Variants in SWAP70 observed in about 807,000 individuals in gnomAD.
SWAP70 encodes switching B cell complex subunit SWAP70.
Under a neutral mutation model 80.2 loss-of-function variants are expected in SWAP70, and 34 were observed. That is an observed-to-expected ratio of 0.42 (90% CI 0.32 to 0.56). The LOEUF is 0.56. Ranked by LOEUF, SWAP70 falls within the 20% of genes least tolerant of loss-of-function variation. The pLI is 0.09. For synonymous variants in SWAP70, 239 were observed against 238.5 expected, an observed-to-expected ratio of 1.00 and a Z score of -0.02; for missense variants, 578 against 690.7, an observed-to-expected ratio of 0.84 and a Z score of 1.83.
At chr11:9,684,936 C>T (rs981913217) in intron 1 of SWAP70, among the ~76,000 whole-genome samples, 5 of 152,138 alleles carry the variant, frequency 3.3e-5, no homozygotes, top group Admixed American at 2.6e-4. Context: ...GGCTAAAATA[C>T]AGACTCTCTC....
chr11:9,742,892 T>TA (rs200300222), intron 9 of SWAP70, among the ~76,000 whole-genome samples: 1 of 151,114 alleles, frequency 6.6e-6, no homozygotes, highest in African/African-American at 2.4e-5. Flanking sequence ...TCCTTTTTTT[T>TA]TTTTTTTAAT....
intron 2 of SWAP70, among the ~76,000 whole-genome samples, chr11:9,709,910 C>G (rs1006283193): frequency 6.6e-6 from 1 of 152,094 alleles, no homozygotes; most frequent in African/African-American, 2.4e-5. Context: ...GTATTATGTG[C>G]AGTTATTCTT....
intron 5 of SWAP70, among the ~76,000 whole-genome samples, chr11:9,728,421 C>T (rs1161264505): frequency 1.3e-5 from 2 of 151,850 alleles, no homozygotes; most frequent in African/African-American, 2.4e-5. Flanking sequence ...ACCTTCTACT[C>T]GTGAATAAAG....
intron 1 of SWAP70, among the ~76,000 whole-genome samples, chr11:9,675,578 A>T (rs1451147793): frequency 2.0e-5 from 3 of 151,776 alleles, no homozygotes; most frequent in African/African-American, 7.3e-5. Context: ...TATATATTAT[A>T]TATATTTATA....
intron 2 of SWAP70, among the ~76,000 whole-genome samples, chr11:9,710,967 T>C (rs948254085): frequency 6.6e-6 from 1 of 151,740 alleles, no homozygotes; most frequent in Non-Finnish European, 1.5e-5. Flanking sequence ...TACATAGGCA[T>C]GAGCCACTGT....
intron 9 of SWAP70, chr11:9,740,675 C>T: frequency 2.7e-6 from 1 of 369,682 alleles, no homozygotes; most frequent in Non-Finnish European, 5.2e-6. Flanking sequence ...AGCTTGGCAT[C>T]TTCAACACGC....
chr11:9,716,698 G>A (rs900170579), intron 3 of SWAP70, among the ~76,000 whole-genome samples: 1 of 152,214 alleles, frequency 6.6e-6, no homozygotes, highest in African/African-American at 2.4e-5. Context: ...ATGGTGGTGG[G>A]TTTGGTACAT....
intron 1 of SWAP70, among the ~76,000 whole-genome samples, chr11:9,676,887 T>TCG (rs1297934647): frequency 2.0e-5 from 3 of 152,028 alleles, no homozygotes; most frequent in Admixed American, 2.0e-4. Flanking sequence ...TCTCCTGACC[T>TCG]CGTGATCCGC....
Position 9,750,202 on chromosome 11 carries a change from G to A in SWAP70, c.*232G>A, listed in dbSNP as rs6483657. On this transcript the variant is annotated 3_prime_UTR_variant, in exon 12 of 12. Coordinates refer to ENST00000318950, the MANE Select transcript of SWAP70 (RefSeq NM_015055.4). ...AAAATACAAAAAAAATTAGCTGAGC[G>A]TGGTGGCGGGCGCCTGTAATCCCAG... is the stretch of plus-strand genomic sequence containing the variant. 10 of 277,568 alleles carry A rather than the reference G, an allele frequency of 3.6e-5. No homozygotes were observed. Among genetic ancestry groups the A allele is most frequent in the African/African-American group, 1.1e-4 (5 of 46,354 alleles). 17.2% of individuals were successfully genotyped at this position (277,568 alleles called of 1,614,324 possible).
At chr11:9,730,332 A>C (rs987281203) in intron 6 of SWAP70, among the ~76,000 whole-genome samples, 1 of 151,102 alleles carries the variant, frequency 6.6e-6, no homozygotes, top group African/African-American at 2.4e-5. Flanking sequence ...CTACTTAAAA[A>C]AAAAAAAAAA....
chr11:9,669,481 C>T (rs766037470), intron 1 of SWAP70, among the ~76,000 whole-genome samples: 4 of 152,160 alleles, frequency 2.6e-5, no homozygotes, highest in Admixed American at 6.5e-5. Context: ...CCACCTGCCT[C>T]GGTCACCCAA....
rs34803928 is a variant in SWAP70 at position 9,714,970 on chromosome 11, C to CTTTTTTTTTT, written c.414+1342_414+1351dup. ...TACAGGTGCCTGCCACCACACCTGCCTTTTTTTTTTTTTTTTTTTTAAGAA... is the reference window on the plus strand; with the variant it reads ...TACAGGTGCCTGCCACCACACCTGCCTTTTTTTTTTTTTTTTTTTTTTTTTTTTTTAAGAA... On this transcript the variant is annotated intron_variant, in intron 3 of 11. Coordinates refer to ENST00000318950, the MANE Select transcript of SWAP70 (RefSeq NM_015055.4). Among the ~76,000 whole-genome samples the CTTTTTTTTTT allele has an allele frequency of 1.5e-3, 163 of 109,998 alleles. 1 individual carries two copies. The highest frequency in any genetic ancestry group is 5.4e-3 in the Middle Eastern group (1 of 184). 72.2% of individuals were successfully genotyped at this position (109,998 alleles called of 152,430 possible). A position where few individuals can be genotyped will look rare whatever the true frequency, so the allele number is the denominator to read the frequency against.
chr11:9,664,290 C>T lies in SWAP70; in HGVS notation c.99+12C>T, dbSNP rs1850281159. 6.4e-7 allele frequency: 1 copy of T among 1,554,976 alleles called. No individual in the cohort carries two copies. The highest frequency in any genetic ancestry group is 8.7e-7 in the Non-Finnish European group (1 of 1,150,456). ...AGTCCCAGCTCAAGGTGGGCGCCTC[C>T]TGACCCGGCCCCCCACCCGACCCTC... On this transcript the variant is annotated intron_variant, in intron 1 of 11. Coordinates refer to ENST00000318950, the MANE Select transcript of SWAP70 (RefSeq NM_015055.4).
intron 2 of SWAP70, 72 bp from the exon 3 acceptor site, chr11:9,713,394 T>G: frequency 6.9e-7 from 1 of 1,449,304 alleles, no homozygotes; most frequent in South Asian, 1.5e-5. Context: ...GGCTTTGTCT[T>G]TCTATTTTAC....
At chr11:9,694,391 A>C in intron 2 of SWAP70, 105 bp downstream of exon 2, 1 of 1,252,578 alleles carries the variant, frequency 8.0e-7, no homozygotes, top group African/African-American at 1.5e-5. Flanking sequence ...TGAGGTACAA[A>C]GAATCACTAG....
rs182980017 is a variant in SWAP70 at position 9,669,389 on chromosome 11, C to T, written c.99+5111C>T. Among the ~76,000 whole-genome samples, 3 of 152,274 alleles carry T rather than the reference C, an allele frequency of 2.0e-5. No homozygotes were observed. In the East Asian group the frequency reaches 5.8e-4, roughly 29 times the overall value. On this transcript the variant is annotated intron_variant, in intron 1 of 11. Transcript: ENST00000318950. ...GGACTACAGATGTGCACCACCATGT[C>T]TCGCTAATTTTTGTATTTTTAGTGG...
intron 3 of SWAP70, 132 bp downstream of exon 3, chr11:9,713,771 G>A: frequency 2.9e-6 from 3 of 1,051,504 alleles, no homozygotes; most frequent in Non-Finnish European, 4.1e-6. Flanking sequence ...CAGAGGCAAA[G>A]CAGCCTGAGT....
intron 1 of SWAP70, among the ~76,000 whole-genome samples, chr11:9,682,215 C>T (rs1008636572): frequency 6.6e-6 from 1 of 152,218 alleles, no homozygotes; most frequent in Admixed American, 6.5e-5. Context: ...GCCTCACACT[C>T]TCTGCTTGGT....
chr11:9,714,192 C>T (rs1231862532), intron 3 of SWAP70, among the ~76,000 whole-genome samples: 2 of 152,112 alleles, frequency 1.3e-5, no homozygotes, highest in Non-Finnish European at 2.9e-5. Flanking sequence ...TAAAAAGTGA[C>T]ACATGTTAAT....
Sources: allele counts gnomAD v4.1 joint callset (sites outside exome capture counted in the v4.1 genomes callset), GRCh38; gene constraint gnomAD v4.1.1; transcripts MANE v1.5; gene names NCBI Gene and HGNC (gene_info 2026-07-23, HGNC 2026-07-21).